PDSS2: variants seen among roughly 807,000 people sequenced by gnomAD.
PDSS2 encodes decaprenyl diphosphate synthase subunit 2.
Under a neutral mutation model 44.5 loss-of-function variants are expected in PDSS2, and 31 were observed. The observed-to-expected ratio is 0.70, with a 90% CI of 0.52 to 0.94. The LOEUF is 0.94. Ranked by LOEUF, PDSS2 falls within the 40% of genes least tolerant of loss-of-function variation. The probability of loss-of-function intolerance (pLI) is 0.00; values close to 1 mark genes in which losing one functional copy is unlikely to be tolerated. For synonymous variants in PDSS2, 157 were observed against 180.3 expected (o/e 0.87, Z 1.03); for missense variants, 452 against 482.2 (o/e 0.94, Z 0.59).
chr6:107,425,030 G>A (rs535433954), intron 1 of PDSS2, among the ~76,000 whole-genome samples: 5 of 152,230 alleles, frequency 3.3e-5, no homozygotes, highest in African/African-American at 9.6e-5. Context: ...TTTTAAAAAC[G>A]GGAGTTTCCT....
At chr6:107,355,340 T>G (rs77492961) in intron 1 of PDSS2, among the ~76,000 whole-genome samples, 3,414 of 151,362 alleles carry the variant, frequency 0.023, 106 homozygotes, top group East Asian at 0.12. Flanking sequence ...TGAATTTGGG[T>G]GATGTACAGT....
chr6:107,234,004 A>G (rs986108181), intron 4 of PDSS2, among the ~76,000 whole-genome samples: 6 of 152,124 alleles, frequency 3.9e-5, no homozygotes, highest in African/African-American at 1.4e-4. Context: ...CTGTCTCTAA[A>G]AAACATAAAA....
intron 6 of PDSS2, among the ~76,000 whole-genome samples, chr6:107,208,864 C>A (rs1465336730): frequency 2.0e-5 from 3 of 152,188 alleles, no homozygotes; most frequent in Non-Finnish European, 2.9e-5. Context: ...CCCAGCCTGG[C>A]CTGTGACTCT....
intron 1 of PDSS2, among the ~76,000 whole-genome samples, chr6:107,361,135 T>A (rs1047746129): frequency 6.6e-5 from 10 of 152,166 alleles, no homozygotes; most frequent in Non-Finnish European, 1.2e-4. Flanking sequence ...CAAAATGGTG[T>A]CTCATATTTT....
intron 2 of PDSS2, among the ~76,000 whole-genome samples, chr6:107,327,499 G>A (rs760771910): frequency 2.6e-5 from 4 of 152,164 alleles, no homozygotes; most frequent in Non-Finnish European, 4.4e-5. Flanking sequence ...ACAGGGCCAG[G>A]CAGGCTGGGG....
intron 3 of PDSS2, among the ~76,000 whole-genome samples, chr6:107,261,960 G>A (rs1162683952): frequency 1.5e-4 from 20 of 137,034 alleles, no homozygotes; most frequent in African/African-American, 5.3e-4. Context: ...CCAGGCTGGA[G>A]TGCAGTGGTG....
In PDSS2 at chr6:107,159,655, C is replaced by T. The variant is rs188379570; in HGVS notation, c.1042-4878G>A. ...GGATGGTCTTGATCTCCTGACCTTGCGATCCACCCACCTCGGCCTCCCAAA... is the reference window on the plus strand; with the variant it reads ...GGATGGTCTTGATCTCCTGACCTTGTGATCCACCCACCTCGGCCTCCCAAA... On this transcript the variant is annotated intron_variant, in intron 7 of 7. Coordinates refer to ENST00000369037, the MANE Select transcript of PDSS2 (RefSeq NM_020381.4). 6.5e-3 allele frequency among the ~76,000 whole-genome samples: 978 copies of T among 151,204 alleles called. 11 individuals are homozygous for T. The highest frequency in any genetic ancestry group is 0.023 in the African/African-American group (934 of 41,248).
chr6:107,202,151 G>C (rs1029861816), intron 6 of PDSS2, among the ~76,000 whole-genome samples: 1 of 152,156 alleles, frequency 6.6e-6, no homozygotes, highest in African/African-American at 2.4e-5. Flanking sequence ...AGATTCTCTA[G>C]CCTCAGCCTC....
chr6:107,294,627 A>T (rs1264455220), intron 2 of PDSS2, among the ~76,000 whole-genome samples: 1 of 152,146 alleles, frequency 6.6e-6, no homozygotes. Flanking sequence ...AACTCATAAC[A>T]TACTATGTCC....
intron 4 of PDSS2, among the ~76,000 whole-genome samples, chr6:107,243,856 T>C (rs7745311): frequency 0.76 from 115,686 of 152,150 alleles, 45,409 homozygotes; most frequent in East Asian, 1. Flanking sequence ...GGGCTGGGCA[T>C]GGTGGCTCAC....
At chr6:107,249,798 T>C (rs1774751968) in intron 3 of PDSS2, among the ~76,000 whole-genome samples, 2 of 152,156 alleles carry the variant, frequency 1.3e-5, no homozygotes, top group Admixed American at 1.3e-4. Context: ...GGACAGTGCA[T>C]GTCTAGTTGC....
intron 3 of PDSS2, among the ~76,000 whole-genome samples, chr6:107,261,377 C>T (rs903165598): frequency 6.6e-6 from 1 of 152,072 alleles, no homozygotes; most frequent in African/African-American, 2.4e-5. Context: ...GTGTGTGGCA[C>T]CTCCTTCCCG....
chr6:107,288,171 T>C (rs890204391), intron 2 of PDSS2, among the ~76,000 whole-genome samples: 2 of 152,152 alleles, frequency 1.3e-5, no homozygotes, highest in Admixed American at 1.3e-4. Flanking sequence ...TTTTTAATAG[T>C]GTACATTACA....
chr6:107,155,222 T>G (rs1389617324), intron 7 of PDSS2, among the ~76,000 whole-genome samples: 1 of 151,208 alleles, frequency 6.6e-6, no homozygotes, highest in Non-Finnish European at 1.5e-5. Context: ...CTCGGCTCAC[T>G]GCAACCTCCG....
chr6:107,401,434 A>G (rs1258711165), intron 1 of PDSS2, among the ~76,000 whole-genome samples: 10 of 152,202 alleles, frequency 6.6e-5, no homozygotes, highest in Non-Finnish European at 1.5e-4. Flanking sequence ...CTACTCCAAC[A>G]AAAGTAATTC....
intron 7 of PDSS2, among the ~76,000 whole-genome samples, chr6:107,165,922 A>T (rs1771328159): frequency 6.6e-6 from 1 of 151,210 alleles, no homozygotes; most frequent in Non-Finnish European, 1.5e-5. Flanking sequence ...ATTCTCTTTG[A>T]AGCAATTGTG....
At chr6:107,227,405 C>T (rs1169496893) in intron 4 of PDSS2, among the ~76,000 whole-genome samples, 1 of 151,198 alleles carries the variant, frequency 6.6e-6, no homozygotes, top group Admixed American at 6.6e-5. Flanking sequence ...TCTCGTGCCT[C>T]AGCCTCCTGA....
Position 107,274,148 on chromosome 6 carries a change from A to T in PDSS2, c.511T>A (p.Leu171Met). The change falls in exon 3 of 8, where the codon TTG becomes ATG. Residue 171 changes from leucine (L) to methionine (M), a missense_variant. Leu to Met is a conservative substitution (Grantham distance 15). Coordinates refer to ENST00000369037, the MANE Select transcript of PDSS2 (RefSeq NM_020381.4). ...VHRGIVNLNE[L>M]QSSDGPLKDM... ...TTCAGTGGACCATCAGATGATTGCA[A>T]CTCATTTAAATTTACTATCCCACGA... The T allele has an allele frequency of 4.3e-6, 7 of 1,613,630 alleles. No homozygotes were observed. Among genetic ancestry groups the T allele is most frequent in the Non-Finnish European group, 5.9e-6 (7 of 1,179,586 alleles).
chr6:107,288,495 C>A (rs1359460234), intron 2 of PDSS2, among the ~76,000 whole-genome samples: 1 of 152,114 alleles, frequency 6.6e-6, no homozygotes, highest in Non-Finnish European at 1.5e-5. Context: ...GCAGGAAATG[C>A]AGATGCTGAG....
Sources: gnomAD v4.1 joint callset for allele counts (sites outside exome capture counted in the v4.1 genomes callset) on GRCh38, gnomAD v4.1.1 for gene constraint, MANE v1.5 for transcripts, NCBI Gene and HGNC (gene_info 2026-07-23, HGNC 2026-07-21) for gene names.